SNX29: variants seen among roughly 807,000 people sequenced by gnomAD.
SNX29 encodes sorting nexin 29.
In SNX29, 78 loss-of-function variants were observed where a neutral mutation model predicts 102.1. That is an observed-to-expected ratio of 0.76 (90% confidence interval 0.64 to 0.92). The LOEUF (loss-of-function observed/expected upper bound fraction) is 0.92. Among genes scored for constraint, SNX29 ranks in the 40% least tolerant of loss-of-function variants. SNX29 has a pLI of 0.00. For synonymous variants in SNX29, 580 were observed against 414.5 expected, an observed-to-expected ratio of 1.40 and a Z score of -4.85; for missense variants, 1,280 against 1,061.7, an observed-to-expected ratio of 1.21 and a Z score of -2.86.
chr16:12,412,165 G>C lies in SNX29; in HGVS notation c.2037+8636G>C, dbSNP rs576221622. On this transcript the variant is annotated intron_variant, in intron 18 of 20. Transcript: ENST00000566228. The stretch of plus-strand genomic sequence containing the variant: ...CATCGGGTAGGACGCCCCAGCCTCT[G>C]CTGCAGACTGTTTAATGCACATTGC... Among the ~76,000 whole-genome samples, 9 of 152,324 alleles carry C rather than the reference G, an allele frequency of 5.9e-5. No individual in the cohort carries two copies. In the South Asian group the frequency reaches 1.7e-3, roughly 28 times the overall value.
intron 14 of SNX29, among the ~76,000 whole-genome samples, chr16:12,235,223 C>A (rs1161915214): frequency 6.6e-6 from 1 of 152,078 alleles, no homozygotes; most frequent in Non-Finnish European, 1.5e-5. Context: ...CCCTGGTGTT[C>A]AGTAAGTTTA....
chr16:11,981,907 T>G (rs1168671528), intron 1 of SNX29, among the ~76,000 whole-genome samples: 2 of 152,062 alleles, frequency 1.3e-5, no homozygotes, highest in African/African-American at 4.8e-5. Flanking sequence ...TAATGTTCTG[T>G]AAGAAAAGCA....
At chr16:12,289,473 G>A (rs950962390) in intron 15 of SNX29, among the ~76,000 whole-genome samples, 1 of 152,046 alleles carries the variant, frequency 6.6e-6, no homozygotes, top group South Asian at 2.1e-4. Flanking sequence ...TGGATACCTC[G>A]TTTCCCATTT....
rs1256357979 is a variant in SNX29, at chr16:12,569,955, G to C, written c.*1326G>C. 1 of 235,240 alleles carries C rather than the reference G, an allele frequency of 4.3e-6. No individual in the cohort carries two copies. The highest frequency in any genetic ancestry group is 8.3e-6 in the Non-Finnish European group (1 of 120,214). The allele number at this position is 235,240 out of a possible 1,614,324, so 14.6% of individuals were successfully genotyped here. A position where few individuals can be genotyped will look rare whatever the true frequency, so the allele number is the denominator to read the frequency against. ...AAAAGCAGGTGGAAGGTGACGGTTA[G>C]ATGGTAAGCCATGGGCTTGTCCTGG... On this transcript the variant is annotated 3_prime_UTR_variant, in exon 21 of 21. Transcript: ENST00000566228.
At chr16:12,331,760 C>T (rs2081298121) in intron 15 of SNX29, among the ~76,000 whole-genome samples, 1 of 152,190 alleles carries the variant, frequency 6.6e-6, no homozygotes, top group East Asian at 1.9e-4. Flanking sequence ...CCATGTTGGC[C>T]AGGCTGGTCT....
At chr16:12,208,533 TA>T (rs2077103854) in intron 14 of SNX29, among the ~76,000 whole-genome samples, 1 of 152,148 alleles carries the variant, frequency 6.6e-6, no homozygotes, top group Non-Finnish European at 1.5e-5. Flanking sequence ...CTCACGCCTA[TA>T]ACCCCAGCAC....
intron 13 of SNX29, among the ~76,000 whole-genome samples, chr16:12,170,625 G>T (rs2076126562): frequency 6.6e-6 from 1 of 151,984 alleles, no homozygotes; most frequent in Non-Finnish European, 1.5e-5. Context: ...ACTTCTCACG[G>T]ATTGGTTACA....
rs371012382 is a variant in SNX29, at chr16:12,207,581, T to C, written c.1678+7898T>C. ...ACTGCTCATCACAGAGCTGCTTTGC[T>C]GTTACGTTTGTCTCATGTGCCCCCA... On this transcript the variant is annotated intron_variant, in intron 14 of 20. Coordinates refer to ENST00000566228, the MANE Select transcript of SNX29 (RefSeq NM_032167.5). Among the ~76,000 whole-genome samples the C allele has an allele frequency of 1.8e-3, 268 of 152,260 alleles. 1 individual carries two copies. The highest frequency in any genetic ancestry group is 6.2e-3 in the African/African-American group (257 of 41,542).
At chr16:12,041,967 G>C (rs995327646) in intron 4 of SNX29, among the ~76,000 whole-genome samples, 1 of 152,252 alleles carries the variant, frequency 6.6e-6, no homozygotes, top group African/African-American at 2.4e-5. Context: ...GTCTTTTCTG[G>C]ATGAGAGGTT....
chr16:12,368,983 G>C (rs2082585529), intron 16 of SNX29, among the ~76,000 whole-genome samples: 1 of 152,142 alleles, frequency 6.6e-6, no homozygotes, highest in Admixed American at 6.5e-5. Context: ...GGTGCAGGAA[G>C]GCCTGCTCTG....
intron 14 of SNX29, among the ~76,000 whole-genome samples, chr16:12,217,661 C>T (rs8046663): frequency 0.069 from 10,566 of 152,216 alleles, 575 homozygotes; most frequent in South Asian, 0.29. Context: ...ATGCTTATTT[C>T]CCCTGTAAAT....
At chr16:12,480,808 T>C (rs1458729012) in intron 19 of SNX29, among the ~76,000 whole-genome samples, 1 of 152,246 alleles carries the variant, frequency 6.6e-6, no homozygotes, top group Non-Finnish European at 1.5e-5. Context: ...TGTTGCATCC[T>C]GTAGAAAGAG....
At chr16:12,202,254 T>TC (rs964880843) in intron 14 of SNX29, among the ~76,000 whole-genome samples, 20 of 152,304 alleles carry the variant, frequency 1.3e-4, no homozygotes, top group South Asian at 1.0e-3. Flanking sequence ...CCCTTTTTTT[T>TC]CTCTCTCCAA....
intron 3 of SNX29, among the ~76,000 whole-genome samples, chr16:12,024,097 A>T (rs1264946183): frequency 1.3e-5 from 2 of 152,092 alleles, no homozygotes; most frequent in East Asian, 3.9e-4. Flanking sequence ...GGAAACATTC[A>T]GGAAGGCTTC....
intron 13 of SNX29, among the ~76,000 whole-genome samples, chr16:12,136,417 C>A (rs1232451768): frequency 1.3e-5 from 2 of 152,214 alleles, no homozygotes. Flanking sequence ...CTCAGTTTCC[C>A]CACTGATGCT....
intron 14 of SNX29, among the ~76,000 whole-genome samples, chr16:12,220,102 G>A (rs566739686): frequency 2.6e-4 from 39 of 152,308 alleles, no homozygotes; most frequent in African/African-American, 8.7e-4. Context: ...CCTTATTTTA[G>A]TAAGAAGAAC....
At chr16:12,165,415 T>G (rs2141699324) in intron 13 of SNX29, among the ~76,000 whole-genome samples, 1 of 152,346 alleles carries the variant, frequency 6.6e-6, no homozygotes, top group Middle Eastern at 3.4e-3. Context: ...GTCAAGTCAC[T>G]TATGCCTAAG....
At chr16:12,181,883 CTTTT>C (rs397854786) in intron 13 of SNX29, among the ~76,000 whole-genome samples, 8 of 141,304 alleles carry the variant, frequency 5.7e-5, no homozygotes, top group African/African-American at 1.6e-4. Flanking sequence ...GGGCTTCTGC[CTTTT>C]TTTTTTTTTT....
intron 20 of SNX29, among the ~76,000 whole-genome samples, chr16:12,564,555 C>T (rs1259291261): frequency 1.3e-5 from 2 of 152,138 alleles, no homozygotes; most frequent in South Asian, 2.1e-4. Flanking sequence ...TTTGGCAACC[C>T]ATTCTTATGG....
Sources: allele counts gnomAD v4.1 joint callset (sites outside exome capture counted in the v4.1 genomes callset), GRCh38; gene constraint gnomAD v4.1.1; transcripts MANE v1.5; gene names NCBI Gene and HGNC (gene_info 2026-07-23, HGNC 2026-07-21).